The following SBNO2 variants were observed in gnomAD, a reference collection of about 807,000 sequenced individuals.
The protein encoded by SBNO2 is strawberry notch homolog 2, also known as protein strawberry notch homolog 2.
In SBNO2, 89 loss-of-function variants were observed where a neutral mutation model predicts 146.3. That is an observed-to-expected ratio of 0.61 (90% CI 0.51 to 0.73). The LOEUF is 0.73. Among genes scored for constraint, SBNO2 ranks in the 30% least tolerant of loss-of-function variants. The pLI is 0.00. For missense variants in SBNO2, 2,092 were observed against 2,003.7 expected, an observed-to-expected ratio of 1.04 and a Z score of -0.84; for synonymous variants, 1,147 against 892.6, an observed-to-expected ratio of 1.29 and a Z score of -5.08.
intron 1 of SBNO2, among the ~76,000 whole-genome samples, chr19:1,154,849 G>C (rs574962718): frequency 3.7e-4 from 57 of 152,352 alleles, no homozygotes; most frequent in South Asian, 1.7e-3. Context: ...GTCCCTCAGA[G>C]GCAGCAGGGG....
chr19:1,115,015 C>T (rs939854120), intron 17 of SBNO2, among the ~76,000 whole-genome samples: 23 of 150,680 alleles, frequency 1.5e-4, no homozygotes, highest in Non-Finnish European at 2.7e-4. Flanking sequence ...CTGCAACCTC[C>T]ACCTCCCGGG....
In SBNO2 at chr19:1,173,951, G is replaced by A. The variant is rs2080506006; in HGVS notation, c.-127+221C>T. On this transcript the variant is annotated intron_variant, in intron 1 of 31. Transcript: ENST00000361757. The surrounding 1 kb of genome is among the most constrained non-coding windows in gnomAD (Gnocchi z 4.7). Reference sequence around the variant, plus strand: ...GGGGCAGGTCAAGGTTCACGGCGGTGGTCGCGGGGCAGCGCGGGGTCAACG... The same window carrying A: ...GGGGCAGGTCAAGGTTCACGGCGGTAGTCGCGGGGCAGCGCGGGGTCAACG... Among the ~76,000 whole-genome samples the A allele has an allele frequency of 1.3e-5, 2 of 150,962 alleles. No individual in the cohort carries two copies. Among genetic ancestry groups the A allele is most frequent in the South Asian group, 4.2e-4 (2 of 4,758 alleles).
chr19:1,142,675 G>A (rs561021768), intron 4 of SBNO2, among the ~76,000 whole-genome samples: 11 of 151,386 alleles, frequency 7.3e-5, no homozygotes, highest in South Asian at 2.1e-4. Flanking sequence ...GCGAGACTCC[G>A]TCTCAAAAAA....
chr19:1,165,290 A>G (rs1362656966), intron 1 of SBNO2, among the ~76,000 whole-genome samples: 1 of 152,132 alleles, frequency 6.6e-6, no homozygotes, highest in Non-Finnish European at 1.5e-5. Context: ...AAAGGGAATA[A>G]AGGAGGCCCT....
In SBNO2 at chr19:1,154,411, G is replaced by C. The variant is rs1374178277; in HGVS notation, c.-126-9C>G. The stretch of plus-strand genomic sequence containing the variant: ...GGCGGCAGCATCATGATCTGCAGAG[G>C]GAGACGGGGACGTCCTGAGAGTCCA... On this transcript the variant is annotated splice_polypyrimidine_tract_variant and intron_variant, in intron 1 of 31. Coordinates refer to ENST00000361757, the MANE Select transcript of SBNO2 (RefSeq NM_014963.3). The C allele has an allele frequency of 2.4e-6, 1 of 419,262 alleles. No individual in the cohort carries two copies. The highest frequency in any genetic ancestry group is 2.1e-5 in the African/African-American group (1 of 48,660). The allele number at this position is 419,262 out of a possible 1,614,324, so 26.0% of individuals were successfully genotyped here.
chr19:1,138,396 G>A (rs1306399106), intron 4 of SBNO2, among the ~76,000 whole-genome samples: 2 of 151,928 alleles, frequency 1.3e-5, no homozygotes, highest in Middle Eastern at 3.4e-3. Flanking sequence ...CCTTATCCTC[G>A]AGCAGGAACC....
chr19:1,110,543 C>T lies in SBNO2; in HGVS notation c.3028+202G>A, dbSNP rs1296440199. On this transcript the variant is annotated intron_variant, in intron 26 of 31. Coordinates refer to ENST00000361757, the MANE Select transcript of SBNO2 (RefSeq NM_014963.3). The surrounding 1 kb of genome is among the most constrained non-coding windows in gnomAD (Gnocchi z 4.9). ...TGCTCACCCACAATGCACGGTGTTC[C>T]CACGAGCCCCGAGCCCACCTGGGAT... Among the ~76,000 whole-genome samples, 5 of 139,554 alleles carry T rather than the reference C, an allele frequency of 3.6e-5. No individual in the cohort carries two copies. Among genetic ancestry groups the T allele is most frequent in the African/African-American group, 1.3e-4 (5 of 38,698 alleles). The allele number at this position is 139,554 out of a possible 152,430, so 91.6% of individuals were successfully genotyped here.
intron 3 of SBNO2, 36 bp downstream of exon 3, chr19:1,149,333 G>GC (rs2080221252): frequency 6.5e-7 from 1 of 1,533,390 alleles, no homozygotes; most frequent in African/African-American, 1.4e-5. Context: ...GAATGAGCAA[G>GC]CCTGGGGGCC....
intron 1 of SBNO2, among the ~76,000 whole-genome samples, chr19:1,161,887 T>G (rs1310451266): frequency 1.0e-5 from 1 of 97,206 alleles, no homozygotes; most frequent in Admixed American, 1.4e-4. Context: ...GCCGATCCAC[T>G]CCCTTCCCTG....
intron 4 of SBNO2, among the ~76,000 whole-genome samples, chr19:1,147,087 G>A (rs1050178589): frequency 5.3e-5 from 8 of 152,090 alleles, no homozygotes; most frequent in South Asian, 4.1e-4. Context: ...AGGGCTGGGC[G>A]GGGCTCACTG....
chr19:1,174,246 T>C lies in SBNO2; in HGVS notation c.-201A>G, dbSNP rs546331670. 5 of 151,668 alleles carry C rather than the reference T, an allele frequency of 3.3e-5. No homozygotes were observed. The highest frequency in any genetic ancestry group is 1.2e-4 in the African/African-American group (5 of 41,350). 9.4% of individuals were successfully genotyped at this position (151,668 alleles called of 1,614,324 possible). A position where few individuals can be genotyped will look rare whatever the true frequency, so the allele number is the denominator to read the frequency against. On this transcript the variant is annotated 5_prime_UTR_variant, in exon 1 of 32. Coordinates refer to ENST00000361757, the MANE Select transcript of SBNO2 (RefSeq NM_014963.3). ...GAGCCTCGCAGCTGCCGCCGCTCAC[T>C]TCCGGGTTTCGGGCGCCATCTTGGG...
intron 10 of SBNO2, 92 bp from the exon 11 acceptor site, chr19:1,122,374 C>T: frequency 6.6e-7 from 1 of 1,516,026 alleles, no homozygotes; most frequent in Non-Finnish European, 8.9e-7. Flanking sequence ...TGGGCAGAGC[C>T]TGCCCTGGCT....
At chr19:1,172,223 C>CCTGCGTCTCCT (rs1348388555) in intron 1 of SBNO2, among the ~76,000 whole-genome samples, 1 of 152,228 alleles carries the variant, frequency 6.6e-6, no homozygotes, top group African/African-American at 2.4e-5. Context: ...CGAGAGCCTG[C>CCTGCGTCTCCT]CTGCGTCTCC....
At chr19:1,119,417 G>GAATGT in intron 13 of SBNO2, 99 bp downstream of exon 13, 1 of 1,011,572 alleles carries the variant, frequency 9.9e-7, no homozygotes, top group Non-Finnish European at 1.5e-6. Context: ...TCTGGGTGCT[G>GAATGT]GGGAAGCACA....
At chr19:1,156,787 G>A (rs995126283) in intron 1 of SBNO2, among the ~76,000 whole-genome samples, 7 of 151,946 alleles carry the variant, frequency 4.6e-5, no homozygotes, top group African/African-American at 1.4e-4. Flanking sequence ...TGTCCAGGAC[G>A]GGCCCATCCA....
In SBNO2 at chr19:1,154,369, T is replaced by C. The variant is rs1487666626; in HGVS notation, c.-93A>G. The C allele has an allele frequency of 4.9e-6, 3 of 612,530 alleles. No homozygotes were observed. Among genetic ancestry groups the C allele is most frequent in the Non-Finnish European group, 7.1e-6 (3 of 422,460 alleles). The allele number at this position is 612,530 out of a possible 1,614,324, so 37.9% of individuals were successfully genotyped here. Reference sequence around the variant, plus strand: ...CGGGGCGTCTATCTGGGCTTCTCGCTCCGTGGTGGCGGCGGTGGCGGCAGC... The same window carrying C: ...CGGGGCGTCTATCTGGGCTTCTCGCCCCGTGGTGGCGGCGGTGGCGGCAGC... On this transcript the variant is annotated 5_prime_UTR_variant, in exon 2 of 32. Coordinates refer to ENST00000361757, the MANE Select transcript of SBNO2 (RefSeq NM_014963.3).
In SBNO2 at chr19:1,124,026, G is replaced by T; in HGVS notation, c.442-4C>A. The T allele has an allele frequency of 1.9e-6, 3 of 1,610,278 alleles. No individual in the cohort carries two copies. Among genetic ancestry groups the T allele is most frequent in the South Asian group, 2.2e-5 (2 of 90,416 alleles). ...ACGGCCTGCTGAGCTGGAACAGCTG[G>T]AAGGGGAGCAGGATGTCAGCCCGGG... On this transcript the variant is annotated splice_polypyrimidine_tract_variant and splice_region_variant and intron_variant, in intron 5 of 31. Coordinates refer to ENST00000361757, the MANE Select transcript of SBNO2 (RefSeq NM_014963.3).
In SBNO2 at chr19:1,157,821, G is replaced by A. The variant is rs1277649925; in HGVS notation, c.-126-3419C>T. ...TGTCCGCCTCCCAGCTCTCTCCTGA[G>A]TCCGGGTAACTGCGTCCGCCTCCCA... On this transcript the variant is annotated intron_variant, in intron 1 of 31. Transcript: ENST00000361757. This position sits in a 1 kb window ranked among gnomAD's most constrained non-coding sequence, Gnocchi z 6.8. Among the ~76,000 whole-genome samples the A allele has an allele frequency of 6.6e-6, 1 of 150,528 alleles. No individual in the cohort carries two copies. The highest frequency in any genetic ancestry group is 2.0e-4 in the East Asian group (1 of 5,098).
chr19:1,158,450 G>A lies in SBNO2; in HGVS notation c.-126-4048C>T, dbSNP rs1274579033. ...GTGCCCACGTTCGCGACGGCAAAGC[G>A]GAGACCCTGAGAAGACACTGGCCGC... On this transcript the variant is annotated intron_variant, in intron 1 of 31. Transcript: ENST00000361757. The surrounding 1 kb of genome is among the most constrained non-coding windows in gnomAD (Gnocchi z 9.9). 2.6e-5 allele frequency among the ~76,000 whole-genome samples: 4 copies of A among 152,260 alleles called. No homozygotes were observed. Among genetic ancestry groups the A allele is most frequent in the African/African-American group, 7.2e-5 (3 of 41,552 alleles).
Sources: allele counts gnomAD v4.1 joint callset (sites outside exome capture counted in the v4.1 genomes callset), GRCh38; gene constraint gnomAD v4.1.1; non-coding constraint Gnocchi (gnomAD v3.1); transcripts MANE v1.5; gene names NCBI Gene and HGNC (gene_info 2026-07-23, HGNC 2026-07-21).